CACNA1H: variants seen among roughly 807,000 people sequenced by gnomAD.
The protein encoded by CACNA1H is voltage-dependent T-type calcium channel subunit alpha-1H.
A neutral mutation model predicts 192.5 loss-of-function variants in CACNA1H; 149 were observed. The ratio of observed to expected loss-of-function variants is 0.77; its 90% confidence interval spans 0.68 to 0.89. The LOEUF is 0.89. Ranked by LOEUF, CACNA1H falls within the 40% of genes least tolerant of loss-of-function variation. The pLI, the probability that CACNA1H is intolerant of heterozygous loss-of-function variation, is 0.00. For missense variants in CACNA1H, 4,257 were observed against 3,423.5 expected (o/e 1.24, Z -6.08); for synonymous variants, 2,202 against 1,475.2 (o/e 1.49, Z -11.29).
At chr16:1,186,156 C>T (rs541455234) in intron 2 of CACNA1H, among the ~76,000 whole-genome samples, 4 of 132,972 alleles carry the variant, frequency 3.0e-5, no homozygotes, top group Non-Finnish European at 4.8e-5. Flanking sequence ...ACTAGACGGT[C>T]GGCGTGCGTA....
chr16:1,215,683 T>C (rs1254421701), intron 30 of CACNA1H, 90 bp downstream of exon 30: 5 of 1,018,874 alleles, frequency 4.9e-6, no homozygotes, highest in Non-Finnish European at 7.4e-6. Flanking sequence ...CCCTCACTCG[T>C]TTCTCTGGTC....
intron 16 of CACNA1H, among the ~76,000 whole-genome samples, chr16:1,208,638 A>C (rs577133066): frequency 9.2e-5 from 14 of 152,132 alleles, no homozygotes; most frequent in Non-Finnish European, 1.8e-4. Flanking sequence ...AACGAACTCC[A>C]GGCAGTACCA....
chr16:1,211,102 G>A (rs1276050380), intron 21 of CACNA1H, 66 bp from the exon 22 acceptor site: 2 of 1,587,170 alleles, frequency 1.3e-6, no homozygotes, highest in South Asian at 1.1e-5. Flanking sequence ...GACCTTTGCT[G>A]AGCTCTGCCG....
Position 1,199,531 on chromosome 16 carries a change from C to G in CACNA1H, c.804-725C>G, listed in dbSNP as rs937819541. Among the ~76,000 whole-genome samples, 66 of 150,444 alleles carry G rather than the reference C, an allele frequency of 4.4e-4. 3 individuals carry two copies. Among genetic ancestry groups the G allele is most frequent in the Non-Finnish European group, 3.3e-4 (22 of 67,612 alleles). Reference sequence around the variant, plus strand: ...TCCCACCCCCAGTGCTGCCACCTCTCAGCCCCCAAGACAGGTTAGTCCCAA... The same window carrying G: ...TCCCACCCCCAGTGCTGCCACCTCTGAGCCCCCAAGACAGGTTAGTCCCAA... On this transcript the variant is annotated intron_variant, in intron 6 of 34. Coordinates refer to ENST00000348261, the MANE Select transcript of CACNA1H (RefSeq NM_021098.3).
At chr16:1,177,104 C>T (rs961467845) in intron 2 of CACNA1H, among the ~76,000 whole-genome samples, 5 of 152,240 alleles carry the variant, frequency 3.3e-5, no homozygotes, top group African/African-American at 2.4e-5. Flanking sequence ...CACAGGCTGC[C>T]ACCTTCAGGT....
chr16:1,198,980 C>T lies in CACNA1H; in HGVS notation c.803+206C>T, dbSNP rs1413527890. ...ATGGCTCCGCCCAGCTGGCAGTCAC[C>T]GCCCCACATGGCTCCGCCCACGGTG... On this transcript the variant is annotated intron_variant, in intron 6 of 34. Coordinates refer to ENST00000348261, the MANE Select transcript of CACNA1H (RefSeq NM_021098.3). 4.4e-5 allele frequency: 25 copies of T among 562,346 alleles called. 1 individual carries two copies. The highest frequency in any genetic ancestry group is 1.6e-4 in the Admixed American group (5 of 32,208). The allele number at this position is 562,346 out of a possible 1,614,324, so 34.8% of individuals were successfully genotyped here. A position where few individuals can be genotyped will look rare whatever the true frequency, so the allele number is the denominator to read the frequency against.
chr16:1,218,556 G>A lies in CACNA1H; in HGVS notation c.5792G>A (p.Ser1931Asn), dbSNP rs1407494926. The A allele has an allele frequency of 1.3e-6, 2 of 1,562,886 alleles. No homozygotes were observed. Among genetic ancestry groups the A allele is most frequent in the Non-Finnish European group, 1.7e-6 (2 of 1,154,114 alleles). The change falls in exon 33 of 35, where the codon AGC (serine) becomes AAC (asparagine). Residue 1931 changes from serine to asparagine, a missense_variant. By Grantham distance (46) the Ser-to-Asn change is conservative. Transcript: ENST00000348261. Reference sequence around the variant, plus strand: ...AGGATGCTCTCGCTGCCCAACGACAGCTACATGTTCAGGCCCGTGGTGCCT... The same window carrying A: ...AGGATGCTCTCGCTGCCCAACGACAACTACATGTTCAGGCCCGTGGTGCCT... ...VSRMLSLPND[S>N]YMFRPVVPAS...
At chr16:1,190,615 C>T (rs1022028173) in intron 2 of CACNA1H, among the ~76,000 whole-genome samples, 3 of 152,236 alleles carry the variant, frequency 2.0e-5, no homozygotes, top group South Asian at 2.1e-4. Context: ...ATACGCCTGC[C>T]TGTCACGTCC....
In CACNA1H at chr16:1,209,173, G is replaced by A. The variant is rs750840241; in HGVS notation, c.3505G>A (p.Gly1169Ser). 1.9e-6 allele frequency: 3 copies of A among 1,552,940 alleles called. No individual in the cohort carries two copies. Among genetic ancestry groups the A allele is most frequent in the Admixed American group, 1.9e-5 (1 of 51,464 alleles). ...TGGGGAACGTGAGTCCCTGCTGTCT[G>A]GCGAGGGCAAGGGCAGCACCGACGA... ...QCGERESLLS[G>S]EGKGSTDDEA... The change falls in exon 17 of 35, where the codon GGC (glycine) becomes AGC (serine). Residue 1169 changes from glycine (G) to serine (S), a missense_variant. Gly to Ser is a moderately conservative substitution (Grantham distance 56). Transcript: ENST00000348261.
At chr16:1,176,070 G>A (rs1047614047) in intron 2 of CACNA1H, among the ~76,000 whole-genome samples, 19 of 152,358 alleles carry the variant, frequency 1.2e-4, no homozygotes, top group Admixed American at 1.2e-3. Flanking sequence ...GACACACCGT[G>A]TCTAGCGGGC....
intron 2 of CACNA1H, among the ~76,000 whole-genome samples, chr16:1,183,484 T>A (rs940485506): frequency 2.2e-4 from 34 of 152,052 alleles, no homozygotes; most frequent in African/African-American, 8.0e-4. Context: ...AAGAGAAACC[T>A]CCTTCAGTCA....
rs1042178308 is a variant in CACNA1H, at chr16:1,204,241, C to A, written c.2234C>A (p.Pro745Gln). ...GGTGACCGCTGGGACCCCACGCGAC[C>A]ACCCCGTGCGACGGACACACCAGGC... ...RHGDRWDPTR[P>Q]PRATDTPGPG... The change falls in exon 10 of 35, where the codon CCA becomes CAA. Residue 745 changes from proline (P) to glutamine (Q), a missense_variant. Coordinates refer to ENST00000348261, the MANE Select transcript of CACNA1H (RefSeq NM_021098.3). 1 of 1,610,794 alleles carries A rather than the reference C, an allele frequency of 6.2e-7. No homozygotes were observed. Among genetic ancestry groups the A allele is most frequent in the Non-Finnish European group, 8.5e-7 (1 of 1,179,028 alleles).
rs1167623135 is a variant in CACNA1H at position 1,209,052 on chromosome 16, C to G, written c.3384C>G (p.Pro1128=). Residue 1128 remains proline, a synonymous_variant, in exon 17 of 35, where the codon CCC becomes CCG. Transcript: ENST00000348261. The part of the protein sequence containing the change: ...QKPPASLRSS[P]CAPWGPSGAW... ...CCCAGGCCAGCCTCCGAAGTTCTCC[C>G]TGTGCCCCCTGGGGCCCCAGTGGCG... 3 of 1,531,824 alleles carry G rather than the reference C, an allele frequency of 2.0e-6. No individual in the cohort carries two copies. The highest frequency in any genetic ancestry group is 2.4e-5 in the East Asian group (1 of 41,724). The allele number at this position is 1,531,824 out of a possible 1,614,324, so 94.9% of individuals were successfully genotyped here.
rs201806428 is a variant in CACNA1H at position 1,210,359 on chromosome 16, C to G, written c.3846-11C>G. 1.4e-6 allele frequency: 2 copies of G among 1,475,490 alleles called. No homozygotes were observed. Among genetic ancestry groups the G allele is most frequent in the Admixed American group, 2.0e-5 (1 of 50,092 alleles). The allele number at this position is 1,475,490 out of a possible 1,614,324, so 91.4% of individuals were successfully genotyped here. A position where few individuals can be genotyped will look rare whatever the true frequency, so the allele number is the denominator to read the frequency against. On this transcript the variant is annotated splice_polypyrimidine_tract_variant and intron_variant, in intron 18 of 34. Transcript: ENST00000348261. ...CCCCGCCCCACCTCTCACCCGCCCC[C>G]GCCCACCCAGGTTCCGCGTCTCCTG...
At chr16:1,190,498 C>G (rs991900651) in intron 2 of CACNA1H, among the ~76,000 whole-genome samples, 1 of 152,092 alleles carries the variant, frequency 6.6e-6, no homozygotes, top group African/African-American at 2.4e-5. Flanking sequence ...CTGCTCCCCT[C>G]TCTAGGCAGA....
At chr16:1,177,018 C>G (rs1443888099) in intron 2 of CACNA1H, among the ~76,000 whole-genome samples, 1 of 152,114 alleles carries the variant, frequency 6.6e-6, no homozygotes, top group Admixed American at 6.5e-5. Context: ...AGCCTCACTC[C>G]CTCCCCCCAG....
intron 5 of CACNA1H, among the ~76,000 whole-genome samples, chr16:1,196,499 A>G (rs911058023): frequency 6.6e-6 from 1 of 151,416 alleles, no homozygotes; most frequent in Admixed American, 6.6e-5. Flanking sequence ...TCCTGAGGAC[A>G]CCTCGCTCTC....
Position 1,167,444 on chromosome 16 carries a change from C to A in CACNA1H, c.299+13408C>A, listed in dbSNP as rs140605610. Among the ~76,000 whole-genome samples the A allele has an allele frequency of 6.6e-5, 10 of 152,270 alleles. No individual in the cohort carries two copies. The highest frequency in any genetic ancestry group is 2.4e-4 in the African/African-American group (10 of 41,532). Reference sequence around the variant, plus strand: ...CCATCCGTCCTCTGGAGAATTTCAACACCCACACTTGGAATAAAAAAAAAA... The same window carrying A: ...CCATCCGTCCTCTGGAGAATTTCAAAACCCACACTTGGAATAAAAAAAAAA... On this transcript the variant is annotated intron_variant, in intron 2 of 34. Transcript: ENST00000348261. The surrounding 1 kb of genome is among the most constrained non-coding windows in gnomAD (Gnocchi z 4.2).
chr16:1,220,442 C>G lies in CACNA1H; in HGVS notation c.6510C>G (p.Ala2170=), dbSNP rs781759531. The G allele has an allele frequency of 6.5e-7, 1 of 1,539,956 alleles. No homozygotes were observed. The highest frequency in any genetic ancestry group is 2.3e-5 in the East Asian group (1 of 43,842). Residue 2170 remains alanine, a synonymous_variant, in exon 35 of 35, where the codon GCC becomes GCG. Transcript: ENST00000348261. The part of the protein sequence containing the change: ...LGSGEPGEAK[A]WGPEAEPALG... ...GCGGGGAGCCTGGGGAGGCGAAGGCCTGGGGCCCTGAGGCCGAGCCCGCTC... is the reference window on the plus strand; with the variant it reads ...GCGGGGAGCCTGGGGAGGCGAAGGCGTGGGGCCCTGAGGCCGAGCCCGCTC...
Sources: gnomAD v4.1 joint callset for allele counts (sites outside exome capture counted in the v4.1 genomes callset) on GRCh38, gnomAD v4.1.1 for gene constraint, Gnocchi (gnomAD v3.1) non-coding constraint, MANE v1.5 for transcripts, NCBI Gene and HGNC (gene_info 2026-07-23, HGNC 2026-07-21) for gene names.